TMEM40: variants seen among roughly 807,000 people sequenced by gnomAD.
The protein encoded by TMEM40 is transmembrane protein 40.
In TMEM40, 34 loss-of-function variants were observed where a neutral mutation model predicts 40.8. The ratio of observed to expected loss-of-function variants is 0.83; its 90% CI spans 0.63 to 1.11. TMEM40 has a LOEUF of 1.11. Ranked by LOEUF, TMEM40 falls within the 50% of genes least tolerant of loss-of-function variation. TMEM40 has a pLI of 0.00. For missense variants in TMEM40, 296 were observed against 280.2 expected, an observed-to-expected ratio of 1.06 and a Z score of -0.40; for synonymous variants, 106 against 107.0, an observed-to-expected ratio of 0.99 and a Z score of 0.06.
Position 12,756,871 on chromosome 3 carries a change from C to A in TMEM40, c.-9+2320G>T, listed in dbSNP as rs190910160. ...ACACATATACACACTCTCTCTCTCACACACACACATACACACACACAACTG... is the reference window on the plus strand; with the variant it reads ...ACACATATACACACTCTCTCTCTCAAACACACACATACACACACACAACTG... On this transcript the variant is annotated intron_variant, in intron 1 of 11. Transcript: ENST00000314124. Among the ~76,000 whole-genome samples the A allele has an allele frequency of 3.5e-4, 53 of 151,972 alleles. No individual in the cohort carries two copies. In the East Asian group the frequency reaches 8.7e-3, roughly 25 times the overall value.
rs1416950549 is a variant in TMEM40, at chr3:12,736,599, C to T, written c.598G>A (p.Val200Ile). 9 of 1,560,394 alleles carry T rather than the reference C, an allele frequency of 5.8e-6. No individual in the cohort carries two copies. Among genetic ancestry groups the T allele is most frequent in the South Asian group, 3.5e-5 (3 of 85,408 alleles). Residue 200 changes from valine (V) to isoleucine (I), a missense_variant, in exon 10 of 12, where the codon GTT (valine) becomes ATT (isoleucine). Val to Ile is a conservative substitution (Grantham distance 29). Coordinates refer to ENST00000314124, the MANE Select transcript of TMEM40 (RefSeq NM_018306.4). ...TTACCTAGTCCGAAGTAGATGCCAA[C>T]GGTTTCCAGGGAGGCGAAGGTGAGC... ...GLLTFASLET[V>I]GIYFGLVYRI...
intron 1 of TMEM40, among the ~76,000 whole-genome samples, chr3:12,756,648 T>G (rs1456629389): frequency 6.6e-6 from 1 of 152,092 alleles, no homozygotes; most frequent in Non-Finnish European, 1.5e-5. Flanking sequence ...TAGTGTTGAG[T>G]CAAACACCAA....
At chr3:12,754,908 C>T (rs145813661) in intron 1 of TMEM40, among the ~76,000 whole-genome samples, 2 of 152,278 alleles carry the variant, frequency 1.3e-5, no homozygotes, top group East Asian at 3.9e-4. Flanking sequence ...AGAGAAGTTG[C>T]CAACTTCAAT....
At chr3:12,737,964 CT>C in intron 7 of TMEM40, 171 bp downstream of exon 7, 2 of 1,001,042 alleles carry the variant, frequency 2.0e-6, no homozygotes, top group Admixed American at 2.1e-5. Flanking sequence ...CCGAGTCTGC[CT>C]TCCTTTCCAT....
At chr3:12,747,910 CAAAAAAAAAAAAAAA>C (rs747586371) in intron 3 of TMEM40, among the ~76,000 whole-genome samples, 1 of 27,568 alleles carries the variant, frequency 3.6e-5, no homozygotes, top group African/African-American at 1.1e-4. Context: ...GATTCTGTCT[CAAAAAAAAAAAAAAA>C]AAAAAAAAAA....
At position 12,738,145 on chromosome 3, in the gene TMEM40, G is replaced by C. The variant is rs192420814; in HGVS notation, c.415C>G (p.Pro139Ala). The change falls in exon 7 of 12, where the codon CCA becomes GCA. Residue 139 changes from proline to alanine, a missense_variant. Physicochemically the swap from Pro to Ala is conservative, Grantham distance 27 (BLOSUM62 -1). Coordinates refer to ENST00000314124, the MANE Select transcript of TMEM40 (RefSeq NM_018306.4). Reference protein sequence around the residue: ...ESGLRRRGSDPASGEVEASQL... With the variant: ...ESGLRRRGSDAASGEVEASQL... ...GAGCTTGTGTATTTACCACTTGCTGGGTCAGAGCCTCTCCTTCGGAGTCCT... is the reference window on the plus strand; with the variant it reads ...GAGCTTGTGTATTTACCACTTGCTGCGTCAGAGCCTCTCCTTCGGAGTCCT... 1.2e-6 allele frequency: 2 copies of C among 1,613,976 alleles called. No homozygotes were observed. Among genetic ancestry groups the C allele is most frequent in the African/African-American group, 2.7e-5 (2 of 75,024 alleles).
At chr3:12,767,016 C>T (rs1280263459) in intron 1 of TMEM40, among the ~76,000 whole-genome samples, 1 of 152,066 alleles carries the variant, frequency 6.6e-6, no homozygotes, top group Non-Finnish European at 1.5e-5. Flanking sequence ...GATGTCTGCG[C>T]CTGGGGAAGG....
intron 1 of TMEM40, among the ~76,000 whole-genome samples, chr3:12,757,321 T>C (rs1201804604): frequency 6.6e-6 from 1 of 151,852 alleles, no homozygotes; most frequent in Non-Finnish European, 1.5e-5. Context: ...AATACAAAAT[T>C]AGCTGGGCAT....
intron 7 of TMEM40, 133 bp downstream of exon 7, chr3:12,738,003 G>A (rs2061350323): frequency 1.7e-6 from 2 of 1,200,790 alleles, no homozygotes; most frequent in Non-Finnish European, 1.2e-6. Flanking sequence ...TCCCCCTTCT[G>A]AATCATAGTG....
rs750443698 is a variant in TMEM40, at chr3:12,734,768, G to T, written c.*6C>A. ...GCCTGCCTCTGCTGCCCACCTGGAAGTGGCCTCAGTCAGTCTTCCTGAACC... is the reference window on the plus strand; with the variant it reads ...GCCTGCCTCTGCTGCCCACCTGGAATTGGCCTCAGTCAGTCTTCCTGAACC... On this transcript the variant is annotated 3_prime_UTR_variant, in exon 12 of 12. Transcript: ENST00000314124. 12 of 1,596,618 alleles carry T rather than the reference G, an allele frequency of 7.5e-6. No homozygotes were observed. Among genetic ancestry groups the T allele is most frequent in the Non-Finnish European group, 9.4e-6 (11 of 1,172,262 alleles).
At chr3:12,761,944 C>A (rs781019233), upstream of TMEM40, among the ~76,000 whole-genome samples, 23 of 152,058 alleles carry the variant, frequency 1.5e-4, no homozygotes, top group Non-Finnish European at 2.4e-4. Context: ...TATTGATTAT[C>A]TATTAAAATG....
intron 1 of TMEM40, among the ~76,000 whole-genome samples, chr3:12,765,901 G>A (rs2061591976): frequency 2.0e-5 from 3 of 151,792 alleles, no homozygotes; most frequent in Non-Finnish European, 4.4e-5. Context: ...TGTTGCCCAG[G>A]CTGAAGTGCA....
chr3:12,757,812 T>C (rs1380945743), intron 1 of TMEM40, among the ~76,000 whole-genome samples: 3 of 152,134 alleles, frequency 2.0e-5, no homozygotes, highest in Non-Finnish European at 4.4e-5. Flanking sequence ...GCATTACACA[T>C]AACAGCCAAA....
At chr3:12,760,785 A>G (rs1048705681), upstream of TMEM40, among the ~76,000 whole-genome samples, 4 of 150,306 alleles carry the variant, frequency 2.7e-5, no homozygotes, top group African/African-American at 9.9e-5. Flanking sequence ...TCTGTTGCCC[A>G]AGCTGGAGTG....
intron 1 of TMEM40, among the ~76,000 whole-genome samples, chr3:12,751,754 A>T (rs188126230): frequency 6.6e-6 from 1 of 152,300 alleles, no homozygotes; most frequent in East Asian, 1.9e-4. Flanking sequence ...ACTAGTACAT[A>T]TTCATTGGCT....
chr3:12,749,651 T>C, intron 2 of TMEM40, 109 bp downstream of exon 2: 1 of 911,880 alleles, frequency 1.1e-6, no homozygotes, highest in Admixed American at 2.3e-5. Flanking sequence ...CAGCTGTGAT[T>C]TGAGGCCCTG....
intron 2 of TMEM40, 49 bp from the exon 3 acceptor site, chr3:12,748,841 C>T (rs544720329): frequency 1.3e-6 from 2 of 1,552,906 alleles, no homozygotes; most frequent in East Asian, 2.2e-5. Flanking sequence ...ACCCTTCCCA[C>T]CCCAGGGACC....
chr3:12,758,231 C>T (rs779220281), intron 1 of TMEM40, among the ~76,000 whole-genome samples: 9 of 152,076 alleles, frequency 5.9e-5, no homozygotes, highest in Admixed American at 1.3e-4. Context: ...GGAGGATTTC[C>T]CAGCAAAAGT....
chr3:12,763,075 G>A (rs1437629696), upstream of TMEM40, among the ~76,000 whole-genome samples: 1 of 150,776 alleles, frequency 6.6e-6, no homozygotes, highest in African/African-American at 2.5e-5. Context: ...AAGGAGAATG[G>A]CGTGAATCCG....
Sources: allele counts gnomAD v4.1 joint callset (sites outside exome capture counted in the v4.1 genomes callset), GRCh38; gene constraint gnomAD v4.1.1; transcripts MANE v1.5; gene names NCBI Gene and HGNC (gene_info 2026-07-23, HGNC 2026-07-21).